Variants in CAMKK2 observed in about 807,000 individuals in gnomAD.
CAMKK2 encodes calcium/calmodulin dependent protein kinase kinase 2.
Under a neutral mutation model 67.2 loss-of-function variants are expected in CAMKK2, and 30 were observed. The ratio of observed to expected loss-of-function variants is 0.45; its 90% CI spans 0.33 to 0.61. The LOEUF (loss-of-function observed/expected upper bound fraction) is 0.61. Among genes scored for constraint, CAMKK2 ranks in the 20% least tolerant of loss-of-function variants. CAMKK2 has a pLI of 0.02. For missense variants in CAMKK2, 643 were observed against 802.0 expected, an observed-to-expected ratio of 0.80 and a Z score of 2.39; for synonymous variants, 322 against 326.2, an observed-to-expected ratio of 0.99 and a Z score of 0.14.
rs1188179230 is a variant in CAMKK2 at position 121,255,224 on chromosome 12, A to ATATATAAT, written c.907+325_907+326insATTATATA. On this transcript the variant is annotated intron_variant, in intron 9 of 16. Transcript: ENST00000404169. ...TATATAATTATATATATAATTTTAT[A>ATATATAAT]TATATATAATTTTATATATATATAA... Among the ~76,000 whole-genome samples the ATATATAAT allele has an allele frequency of 4.4e-3, 228 of 51,910 alleles. 37 individuals are homozygous for ATATATAAT. Among genetic ancestry groups the ATATATAAT allele is most frequent in the African/African-American group, 0.016 (218 of 13,334 alleles). 34.1% of individuals were successfully genotyped at this position (51,910 alleles called of 152,430 possible).
rs202232880 is a variant in CAMKK2 at position 121,248,727 on chromosome 12, G to A, written c.1331C>T (p.Pro444Leu). 6.2e-7 allele frequency: 1 copy of A among 1,614,116 alleles called. No homozygotes were observed. Among genetic ancestry groups the A allele is most frequent in the Non-Finnish European group, 8.5e-7 (1 of 1,180,010 alleles). Residue 444 changes from proline to leucine, a missense_variant, in exon 14 of 17, where the codon CCC (proline) becomes CTC (leucine). Physicochemically the swap from Pro to Leu is moderately conservative, Grantham distance 98 (BLOSUM62 -3). Transcript: ENST00000404169. ...RIVVPEIKLH[P>L]WVTRHGAEPL... Reference sequence around the variant, plus strand: ...CTCCGCCCCATGCCTCGTGACCCAGGGGTGCAGCTTCAACGAACGACAGGA... The same window carrying A: ...CTCCGCCCCATGCCTCGTGACCCAGAGGTGCAGCTTCAACGAACGACAGGA...
intron 16 of CAMKK2, among the ~76,000 whole-genome samples, chr12:121,242,351 AAAAG>A (rs368398056): frequency 0.059 from 8,872 of 151,422 alleles, 255 homozygotes; most frequent in South Asian, 0.12. Context: ...TCAAAAAAAA[AAAAG>A]AAAGAAAGAA....
chr12:121,255,264 T>TTATATATATAATTATATATATTTATA (rs1891770828), intron 9 of CAMKK2, among the ~76,000 whole-genome samples: 1 of 8,300 alleles, frequency 1.2e-4, no homozygotes, highest in Non-Finnish European at 3.0e-4. Flanking sequence ...ATATATAATT[T>TTATATATATAATTATATATATTTATA]TATATATATA....
intron 1 of CAMKK2, among the ~76,000 whole-genome samples, chr12:121,280,538 G>C (rs918756302): frequency 6.6e-6 from 1 of 152,174 alleles, no homozygotes; most frequent in Non-Finnish European, 1.5e-5. Context: ...CCGGTGAGCC[G>C]GGCAGAACAG....
At chr12:121,283,967 G>A (rs1214935670) in intron 1 of CAMKK2, among the ~76,000 whole-genome samples, 5 of 152,210 alleles carry the variant, frequency 3.3e-5, no homozygotes, top group South Asian at 2.1e-4. Context: ...GCAACCACTC[G>A]CTGCAGCTCT....
chr12:121,249,914 G>A (rs200187808), intron 12 of CAMKK2, 40 bp from the exon 13 acceptor site: 142 of 1,611,826 alleles, frequency 8.8e-5, no homozygotes, highest in Admixed American at 4.0e-4. Flanking sequence ...ACACGGGACC[G>A]CCAAGAACTC....
chr12:121,262,984 T>TA (rs1007773516), intron 6 of CAMKK2, among the ~76,000 whole-genome samples: 4 of 152,272 alleles, frequency 2.6e-5, no homozygotes, highest in African/African-American at 9.6e-5. Context: ...TTTTTTTTTT[T>TA]AGAGACAGAG....
At chr12:121,289,967 G>T (rs1432951735) in intron 1 of CAMKK2, among the ~76,000 whole-genome samples, 1 of 151,758 alleles carries the variant, frequency 6.6e-6, no homozygotes, top group Admixed American at 6.6e-5. Context: ...GGTACATCAG[G>T]AAAGGATACA....
At position 121,296,342 on chromosome 12, in the gene CAMKK2, A is replaced by T. The variant is rs1182576450; in HGVS notation, c.-60+296T>A. ...CCCGGCCCCCGGTGACCCCGGTTCC[A>T]AACTCCAGGACCGCCCCTGCCACCC... On this transcript the variant is annotated intron_variant, in intron 1 of 16. Coordinates refer to ENST00000404169, the MANE Select transcript of CAMKK2 (RefSeq NM_001270485.2). The surrounding 1 kb of genome is among the most constrained non-coding windows in gnomAD (Gnocchi z 7.1). Among the ~76,000 whole-genome samples the T allele has an allele frequency of 6.6e-6, 1 of 152,132 alleles. No homozygotes were observed. The highest frequency in any genetic ancestry group is 1.5e-5 in the Non-Finnish European group (1 of 67,998).
rs200501220 is a variant in CAMKK2 at position 121,240,524 on chromosome 12, C to T, written c.*175G>A. On this transcript the variant is annotated 3_prime_UTR_variant, in exon 17 of 17. Transcript: ENST00000404169. This position sits in a 1 kb window ranked among gnomAD's most constrained non-coding sequence, Gnocchi z 4.4. ...ACGGTCGACGTCATGGAGTCAAGTC[C>T]TTTTTTTTTTTTTGTCCCCTTTAAA... is the stretch of plus-strand genomic sequence containing the variant. 2.7e-6 allele frequency: 4 copies of T among 1,472,306 alleles called. No homozygotes were observed. The highest frequency in any genetic ancestry group is 2.5e-5 in the East Asian group (1 of 40,154). The allele number at this position is 1,472,306 out of a possible 1,614,324, so 91.2% of individuals were successfully genotyped here.
rs997631054 is a variant in CAMKK2, at chr12:121,258,465, G to A, written c.796+1854C>T. Among the ~76,000 whole-genome samples the A allele has an allele frequency of 2.0e-5, 3 of 152,060 alleles. No homozygotes were observed. In the East Asian group the frequency reaches 5.8e-4, roughly 29 times the overall value. On this transcript the variant is annotated intron_variant, in intron 7 of 16. Coordinates refer to ENST00000404169, the MANE Select transcript of CAMKK2 (RefSeq NM_001270485.2). ...CTCCCACCTCAGCCTCCCAAGTGCT[G>A]GGGTTACAGGCATGAGCCACCGCAC...
chr12:121,267,035 T>A (rs1201474510), intron 5 of CAMKK2, among the ~76,000 whole-genome samples: 1 of 145,758 alleles, frequency 6.9e-6, no homozygotes, highest in Non-Finnish European at 1.5e-5. Flanking sequence ...TTTTTTTTTT[T>A]TTTTTTTTTT....
upstream of CAMKK2, chr12:121,297,572 C>T (rs751974962): frequency 3.9e-6 from 2 of 515,682 alleles, no homozygotes; most frequent in Non-Finnish European, 7.7e-6. Flanking sequence ...TTGGATCCCC[C>T]AGCTGGATAA....
At position 121,253,201 on chromosome 12, in the gene CAMKK2, G is replaced by GTTT; in HGVS notation, c.1107+69_1107+71dup. ...CACTGTTTAAGCCTGTGTGCGTTGG[G>GTTT]TTTCTGCTGCTTACAATCCAGAAGA... On this transcript the variant is annotated intron_variant, in intron 10 of 16. Transcript: ENST00000404169. This position sits in a 1 kb window ranked among gnomAD's most constrained non-coding sequence, Gnocchi z 5.0. 1 of 1,380,470 alleles carries GTTT rather than the reference G, an allele frequency of 7.2e-7. No individual in the cohort carries two copies. Among genetic ancestry groups the GTTT allele is most frequent in the Non-Finnish European group, 1.0e-6 (1 of 975,168 alleles). The allele number at this position is 1,380,470 out of a possible 1,614,324, so 85.5% of individuals were successfully genotyped here.
intron 1 of CAMKK2, among the ~76,000 whole-genome samples, chr12:121,295,955 C>G (rs1364999176): frequency 6.6e-6 from 1 of 152,168 alleles, no homozygotes; most frequent in Non-Finnish European, 1.5e-5. Context: ...GGGGCTGGGT[C>G]CAGTGTCCCT....
intron 2 of CAMKK2, among the ~76,000 whole-genome samples, chr12:121,272,678 C>G (rs1300073627): frequency 7.3e-6 from 1 of 137,928 alleles, no homozygotes; most frequent in East Asian, 2.1e-4. Flanking sequence ...GCCTGGCCAA[C>G]ATGGCATTAC....
chr12:121,264,868 G>C (rs1433131568), intron 5 of CAMKK2, among the ~76,000 whole-genome samples: 5 of 151,592 alleles, frequency 3.3e-5, no homozygotes, highest in African/African-American at 1.2e-4. Context: ...TTACTCAAGA[G>C]GCTGGGGTGG....
chr12:121,292,419 G>A (rs1474715207), intron 1 of CAMKK2, among the ~76,000 whole-genome samples: 1 of 152,118 alleles, frequency 6.6e-6, no homozygotes, highest in Non-Finnish European at 1.5e-5. Flanking sequence ...GTGAGCCACC[G>A]TGCCCAGCCC....
chr12:121,261,912 C>T (rs1408417987), intron 6 of CAMKK2, among the ~76,000 whole-genome samples: 2 of 152,220 alleles, frequency 1.3e-5, no homozygotes, highest in Non-Finnish European at 2.9e-5. Context: ...GGTGACAAGT[C>T]CTTGTCGTCT....
Sources: gnomAD v4.1 joint callset for allele counts (sites outside exome capture counted in the v4.1 genomes callset) on GRCh38, gnomAD v4.1.1 for gene constraint, Gnocchi (gnomAD v3.1) non-coding constraint, MANE v1.5 for transcripts, NCBI Gene and HGNC (gene_info 2026-07-23, HGNC 2026-07-21) for gene names.